The following NDST1 variants were observed in gnomAD, a reference collection of about 807,000 sequenced individuals.
NDST1 encodes the protein N-deacetylase and N-sulfotransferase 1, also known as bifunctional heparan sulfate N-deacetylase/N-sulfotransferase 1.
A neutral mutation model predicts 92.8 loss-of-function variants in NDST1; 35 were observed. The observed-to-expected ratio is 0.38, with a 90% confidence interval of 0.29 to 0.50. The LOEUF is 0.50. Ranked by LOEUF, NDST1 falls within the 20% of genes least tolerant of loss-of-function variation. The pLI is 0.94. For missense variants in NDST1, 822 were observed against 1,182.7 expected, an observed-to-expected ratio of 0.69 and a Z score of 4.47; for synonymous variants, 493 against 500.3, an observed-to-expected ratio of 0.99 and a Z score of 0.19.
chr5:150,549,799 CT>C lies in NDST1; in HGVS notation c.2426+16del, dbSNP rs1755642174. On this transcript the variant is annotated intron_variant, in intron 13 of 14. Coordinates refer to ENST00000261797, the MANE Select transcript of NDST1 (RefSeq NM_001543.5). ...CACAAAACCTTGGCGTGAGTGTTGCCTTTTCCTTTCTGCAGGTTATTTCCCT... is the reference window on the plus strand; with the variant it reads ...CACAAAACCTTGGCGTGAGTGTTGCCTTTCCTTTCTGCAGGTTATTTCCCT... 1.3e-6 allele frequency: 2 copies of C among 1,541,090 alleles called. No individual in the cohort carries two copies. The highest frequency in any genetic ancestry group is 1.8e-6 in the Non-Finnish European group (2 of 1,113,388).
intron 3 of NDST1, among the ~76,000 whole-genome samples, chr5:150,531,647 C>G (rs1754744245): frequency 6.6e-6 from 1 of 151,468 alleles, no homozygotes; most frequent in South Asian, 2.1e-4. Context: ...TTACAGGCGC[C>G]TGCCACCACA....
intron 11 of NDST1, among the ~76,000 whole-genome samples, chr5:150,545,948 T>TA (rs1755458395): frequency 6.7e-6 from 1 of 149,882 alleles, no homozygotes; most frequent in African/African-American, 2.5e-5. Flanking sequence ...GGAGAGGGTG[T>TA]GGATCCAAGC....
chr5:150,548,471 C>A (rs1755586381), intron 12 of NDST1, 83 bp downstream of exon 12: 13 of 1,486,394 alleles, frequency 8.7e-6, no homozygotes, highest in Non-Finnish European at 1.2e-5. Flanking sequence ...CTCTTTCTCA[C>A]CAGCCGTGGG....
chr5:150,531,939 C>T (rs958261120), intron 3 of NDST1, among the ~76,000 whole-genome samples: 2 of 152,364 alleles, frequency 1.3e-5, no homozygotes, highest in South Asian at 4.1e-4. Context: ...GACCGCATTG[C>T]TGGGCACACA....
chr5:150,541,552 C>T lies in NDST1; in HGVS notation c.1750-18C>T, dbSNP rs1755250278. 3 of 1,613,434 alleles carry T rather than the reference C, an allele frequency of 1.9e-6. No homozygotes were observed. Among genetic ancestry groups the T allele is most frequent in the Non-Finnish European group, 2.5e-6 (3 of 1,179,352 alleles). On this transcript the variant is annotated intron_variant, in intron 8 of 14. Coordinates refer to ENST00000261797, the MANE Select transcript of NDST1 (RefSeq NM_001543.5). ...GGGTTCTGGGGCGCCCCACACATCC[C>T]TTCCACTGTTGTTTTAGGACCCCTG...
At position 150,535,636 on chromosome 5, in the gene NDST1, G is replaced by T. The variant is rs557702648; in HGVS notation, c.1252-64G>T. The T allele has an allele frequency of 3.4e-5, 53 of 1,576,954 alleles. No individual in the cohort carries two copies. The South Asian group carries it at 5.4e-4, about 16-fold the overall frequency. ...GATTTCTCTCTCCCATTCTACAAAG[G>T]GGGGATAAGGCCCAAAGGGGAAGGA... On this transcript the variant is annotated intron_variant, in intron 5 of 14. Transcript: ENST00000261797.
In NDST1 at chr5:150,534,918, A is replaced by G; in HGVS notation, c.1148A>G (p.Glu383Gly). 2 of 1,614,210 alleles carry G rather than the reference A, an allele frequency of 1.2e-6. No individual in the cohort carries two copies. The highest frequency in any genetic ancestry group is 1.6e-4 in the Middle Eastern group (1 of 6,062). ...GDDLLLSYVKEFWWFPHMWSH... is the reference protein window; with the variant it reads ...GDDLLLSYVKGFWWFPHMWSH... ...GATCTGCTGCTGTCGTATGTGAAGG[A>G]GTTCTGGTGGTTCCCCCACATGTGG... The change falls in exon 5 of 15, where the codon GAG (glutamate) becomes GGG (glycine). Residue 383 changes from glutamate (E) to glycine (G), a missense_variant. Physicochemically the swap from Glu to Gly is moderately conservative, Grantham distance 98 (BLOSUM62 -2). Transcript: ENST00000261797.
At chr5:150,523,368 C>T (rs191290681) in intron 2 of NDST1, among the ~76,000 whole-genome samples, 1 of 152,316 alleles carries the variant, frequency 6.6e-6, no homozygotes, top group East Asian at 1.9e-4. Flanking sequence ...GCCTGAAAAG[C>T]GTCAAGAGGC....
intron 3 of NDST1, among the ~76,000 whole-genome samples, chr5:150,530,236 G>A (rs538347910): frequency 1.3e-5 from 2 of 152,320 alleles, no homozygotes; most frequent in African/African-American, 2.4e-5. Context: ...CTGCTTTTAC[G>A]CATTGTGTTT....
intron 1 of NDST1, among the ~76,000 whole-genome samples, chr5:150,513,157 T>A (rs1753799327): frequency 6.6e-6 from 1 of 151,958 alleles, no homozygotes; most frequent in Non-Finnish European, 1.5e-5. Context: ...ATTGTGCCCC[T>A]GCACTCCAGC....
intron 10 of NDST1, among the ~76,000 whole-genome samples, chr5:150,544,061 G>A (rs1184811889): frequency 6.6e-6 from 1 of 152,160 alleles, no homozygotes; most frequent in Non-Finnish European, 1.5e-5. Flanking sequence ...TACGGCGTGC[G>A]CCACTGCGCC....
In NDST1 at chr5:150,528,014, A is replaced by G. The variant is rs745869251; in HGVS notation, c.724A>G (p.Lys242Glu). Residue 242 changes from lysine to glutamate, a missense_variant, in exon 3 of 15, where the codon AAG becomes GAG. Transcript: ENST00000261797. ...HSTYEPVLLA[K>E]TRSSESIPHL... is the part of the protein sequence containing the mutation. ...CACCTATGAGCCAGTGCTGCTGGCCAAGACGCGCTCGTCTGAGTCCATCCC... is the reference window on the plus strand; with the variant it reads ...CACCTATGAGCCAGTGCTGCTGGCCGAGACGCGCTCGTCTGAGTCCATCCC... 2.5e-6 allele frequency: 4 copies of G among 1,613,630 alleles called. No homozygotes were observed. The African/African-American group carries it at 4.0e-5, about 16-fold the overall frequency.
chr5:150,555,138 TC>T lies in NDST1; in HGVS notation c.*1808del, dbSNP rs1443153520. On this transcript the variant is annotated 3_prime_UTR_variant, in exon 15 of 15. Coordinates refer to ENST00000261797, the MANE Select transcript of NDST1 (RefSeq NM_001543.5). ...GTTCCAAGTCCCATCGTGCTCCTCT[TC>T]CAATGCCACACTGCCTCTGAGCCCA... 1.3e-5 allele frequency: 2 copies of T among 152,696 alleles called. No individual in the cohort carries two copies. The highest frequency in any genetic ancestry group is 4.8e-5 in the African/African-American group (2 of 41,414). The allele number at this position is 152,696 out of a possible 1,614,324, so 9.5% of individuals were successfully genotyped here.
intron 1 of NDST1, among the ~76,000 whole-genome samples, chr5:150,516,067 T>C (rs907231993): frequency 7.9e-5 from 12 of 151,056 alleles, no homozygotes; most frequent in African/African-American, 2.7e-4. Flanking sequence ...GCTTCTTGGC[T>C]TCTATCCAGG....
chr5:150,532,794 TGG>T, intron 3 of NDST1, 149 bp from the exon 4 acceptor site: 2 of 787,768 alleles, frequency 2.5e-6, no homozygotes, highest in South Asian at 2.8e-5. Context: ...CCCAAACTGC[TGG>T]GATTACAGGC....
rs140088577 is a variant in NDST1 at position 150,548,360 on chromosome 5, G to A, written c.2288G>A (p.Arg763His). 81 of 1,613,010 alleles carry A rather than the reference G, an allele frequency of 5.0e-5. No homozygotes were observed. Among genetic ancestry groups the A allele is most frequent in the Non-Finnish European group, 6.4e-5 (76 of 1,180,026 alleles). Residue 763 changes from arginine to histidine, a missense_variant, in exon 12 of 15, where the codon CGC becomes CAC. Transcript: ENST00000261797. ...GGCTGGTACGCCACCCACATCGAGCGCTGGCTCAGTGCCTATCACGCCAAC... is the reference window on the plus strand; with the variant it reads ...GGCTGGTACGCCACCCACATCGAGCACTGGCTCAGTGCCTATCACGCCAAC... Reference protein sequence around the residue: ...VPGWYATHIERWLSAYHANQI... With the variant: ...VPGWYATHIEHWLSAYHANQI...
chr5:150,528,826 T>G (rs1266081723), intron 3 of NDST1, among the ~76,000 whole-genome samples: 3 of 152,044 alleles, frequency 2.0e-5, no homozygotes, highest in Non-Finnish European at 4.4e-5. Flanking sequence ...CTTTATTGTA[T>G]TGAAGTATTG....
At chr5:150,519,462 C>T (rs1233326594) in intron 1 of NDST1, among the ~76,000 whole-genome samples, 1 of 152,098 alleles carries the variant, frequency 6.6e-6, no homozygotes, top group Non-Finnish European at 1.5e-5. Context: ...AATCCCAGCA[C>T]TTTGGGAGGC....
chr5:150,525,687 G>A (rs1754443001), intron 2 of NDST1, among the ~76,000 whole-genome samples: 1 of 152,170 alleles, frequency 6.6e-6, no homozygotes, highest in Non-Finnish European at 1.5e-5. Flanking sequence ...TAGAGGAGAT[G>A]AGTGAAAGGC....
Sources: allele counts gnomAD v4.1 joint callset (sites outside exome capture counted in the v4.1 genomes callset), GRCh38; gene constraint gnomAD v4.1.1; transcripts MANE v1.5; gene names NCBI Gene and HGNC (gene_info 2026-07-23, HGNC 2026-07-21).